TNIK: variants seen among roughly 807,000 people sequenced by gnomAD.
TNIK encodes the protein TRAF2 and NCK interacting kinase, also known as TRAF2 and NCK-interacting protein kinase.
A neutral mutation model predicts 191.3 loss-of-function variants in TNIK; 49 were observed. The observed-to-expected ratio is 0.26, with a 90% confidence interval of 0.20 to 0.32. The LOEUF is 0.32. TNIK is among the 10% of genes least tolerant of loss of function. The pLI is 1.00. For missense variants in TNIK, 1,155 were observed against 1,702.3 expected, an observed-to-expected ratio of 0.68 and a Z score of 5.66; for synonymous variants, 594 against 600.9, an observed-to-expected ratio of 0.99 and a Z score of 0.17.
At chr3:171,260,106 A>AC (rs1747409862) in intron 2 of TNIK, among the ~76,000 whole-genome samples, 1 of 151,914 alleles carries the variant, frequency 6.6e-6, no homozygotes, top group African/African-American at 2.4e-5. Flanking sequence ...CTCATCCTCC[A>AC]CCATGCCCCA....
At chr3:171,190,626 AT>A (rs1317679192) in intron 6 of TNIK, 70 bp downstream of exon 6, 13 of 1,207,576 alleles carry the variant, frequency 1.1e-5, no homozygotes, top group East Asian at 5.2e-5. Flanking sequence ...ATTAACATTA[AT>A]TTTTTTAGAG....
chr3:171,234,274 T>C (rs1445695011), intron 2 of TNIK, among the ~76,000 whole-genome samples: 1 of 152,226 alleles, frequency 6.6e-6, no homozygotes, highest in Non-Finnish European at 1.5e-5. Flanking sequence ...ATACTTGGCA[T>C]GATGTCCATT....
At chr3:171,411,193 A>G (rs1037761840) in intron 1 of TNIK, among the ~76,000 whole-genome samples, 12 of 151,950 alleles carry the variant, frequency 7.9e-5, no homozygotes, top group African/African-American at 2.7e-4. Context: ...TTAGCCTCTC[A>G]AGGAGCTGGG....
intron 3 of TNIK, among the ~76,000 whole-genome samples, chr3:171,224,745 G>A (rs999769904): frequency 3.3e-5 from 5 of 152,120 alleles, no homozygotes; most frequent in Non-Finnish European, 7.4e-5. Context: ...CCTAGATGCC[G>A]TAGGTCAATC....
intron 2 of TNIK, among the ~76,000 whole-genome samples, chr3:171,270,257 T>A (rs1320211072): frequency 6.6e-6 from 1 of 152,204 alleles, no homozygotes; most frequent in East Asian, 1.9e-4. Flanking sequence ...AATACCCCCG[T>A]AGTATCAATA....
Position 171,108,158 on chromosome 3 carries a change from G to A in TNIK, c.2289C>T (p.Asn763=), listed in dbSNP as rs1314819536. 1 of 1,545,934 alleles carries A rather than the reference G, an allele frequency of 6.5e-7. No individual in the cohort carries two copies. The highest frequency in any genetic ancestry group is 2.1e-5 in the Admixed American group (1 of 48,048). ...GSSERTRVRA[N]SKSEGSPVLP... ...GCACAGGTGATCCTTCTGACTTACT[G>A]TTGGCTAGAGGAAAAAAACAGAGGA... The change falls in exon 20 of 33, where the codon AAC becomes AAT. Residue 763 remains asparagine (N), a synonymous_variant. Coordinates refer to ENST00000436636, the MANE Select transcript of TNIK (RefSeq NM_015028.4).
chr3:171,120,685 G>C (rs1350967877), intron 18 of TNIK, among the ~76,000 whole-genome samples: 3 of 152,100 alleles, frequency 2.0e-5, no homozygotes, highest in Non-Finnish European at 4.4e-5. Flanking sequence ...AATATACAGA[G>C]GTAGAACTGG....
chr3:171,214,861 T>C (rs566731351), intron 3 of TNIK, among the ~76,000 whole-genome samples: 1 of 152,322 alleles, frequency 6.6e-6, no homozygotes, highest in Admixed American at 6.5e-5. Flanking sequence ...ATTAAGTGCT[T>C]ATTTAAATGT....
intron 27 of TNIK, 75 bp from the exon 28 acceptor site, chr3:171,079,727 T>C: frequency 6.8e-7 from 1 of 1,471,116 alleles, no homozygotes; most frequent in South Asian, 1.4e-5. Flanking sequence ...CTCCATTTAT[T>C]TCTAATTTAT....
intron 1 of TNIK, among the ~76,000 whole-genome samples, chr3:171,382,218 C>CTTTTTTTTTTT (rs63626462): frequency 2.0e-5 from 2 of 99,146 alleles, no homozygotes; most frequent in African/African-American, 3.8e-5. Context: ...TTGAATACAT[C>CTTTTTTTTTTT]TTTTTTTTTT....
intron 2 of TNIK, among the ~76,000 whole-genome samples, chr3:171,292,077 C>T (rs752250888): frequency 5.9e-5 from 9 of 152,006 alleles, no homozygotes; most frequent in Non-Finnish European, 8.8e-5. Context: ...CCCTTTTGTC[C>T]CTTTTTATAT....
chr3:171,264,044 ATG>A (rs1189196954), intron 2 of TNIK, among the ~76,000 whole-genome samples: 4 of 147,896 alleles, frequency 2.7e-5, no homozygotes, highest in Admixed American at 6.8e-5. Flanking sequence ...GTGTATATAT[ATG>A]TGTGTGTGTA....
At position 171,156,439 on chromosome 3, in the gene TNIK, C is replaced by T. The variant is rs572751750; in HGVS notation, c.1221+1021G>A. Among the ~76,000 whole-genome samples the T allele has an allele frequency of 4.6e-5, 7 of 152,176 alleles. No homozygotes were observed. The South Asian group carries it at 8.3e-4, about 18-fold the overall frequency. ...CAAAGCAAGTGAATTGCTGCAAGCC[C>T]GTTAATGAGAAGCAAGCTGGTGTTC... On this transcript the variant is annotated intron_variant, in intron 12 of 32. Coordinates refer to ENST00000436636, the MANE Select transcript of TNIK (RefSeq NM_015028.4).
intron 4 of TNIK, among the ~76,000 whole-genome samples, chr3:171,210,851 G>GA (rs11324657): frequency 0.058 from 7,650 of 131,260 alleles, 263 homozygotes; most frequent in Non-Finnish European, 0.072. Flanking sequence ...GTCAATTAGT[G>GA]AAAAAAAAAA....
chr3:171,065,238 A>T (rs950489356), intron 32 of TNIK, among the ~76,000 whole-genome samples: 1 of 152,156 alleles, frequency 6.6e-6, no homozygotes, highest in Non-Finnish European at 1.5e-5. Context: ...GTTTTCTGGG[A>T]AATCTAAATG....
At chr3:171,394,424 C>A (rs1023837205) in intron 1 of TNIK, among the ~76,000 whole-genome samples, 2 of 152,226 alleles carry the variant, frequency 1.3e-5, no homozygotes, top group South Asian at 4.1e-4. Flanking sequence ...GGTCCCACAG[C>A]CTCCTATGCT....
chr3:171,248,896 T>C (rs1397331299), intron 2 of TNIK, among the ~76,000 whole-genome samples: 5 of 152,240 alleles, frequency 3.3e-5, no homozygotes, highest in African/African-American at 4.8e-5. Context: ...TCATACAAAA[T>C]CATTTTACTT....
intron 2 of TNIK, among the ~76,000 whole-genome samples, chr3:171,243,612 T>C (rs553458644): frequency 6.6e-6 from 1 of 152,202 alleles, no homozygotes; most frequent in South Asian, 2.1e-4. Flanking sequence ...TAAAGCACTG[T>C]CTTCATTTCT....
At chr3:171,422,696 C>A (rs532550535) in intron 1 of TNIK, among the ~76,000 whole-genome samples, 1 of 152,292 alleles carries the variant, frequency 6.6e-6, no homozygotes, top group East Asian at 1.9e-4. Context: ...TTAGCCTTGA[C>A]CCTTGAAGAG....
Sources: allele counts gnomAD v4.1 joint callset (sites outside exome capture counted in the v4.1 genomes callset), GRCh38; gene constraint gnomAD v4.1.1; transcripts MANE v1.5; gene names NCBI Gene and HGNC (gene_info 2026-07-23, HGNC 2026-07-21).